The following CFAP20DC variants were observed in gnomAD, a reference collection of about 807,000 sequenced individuals.
CFAP20DC encodes CFAP20 domain containing.
A neutral mutation model predicts 101.7 loss-of-function variants in CFAP20DC; 84 were observed. The observed-to-expected ratio is 0.83, with a 90% CI of 0.69 to 0.99. The LOEUF is 0.99. Ranked by LOEUF, CFAP20DC falls within the 50% of genes least tolerant of loss-of-function variation. The pLI is 0.00. For missense variants in CFAP20DC, 1,007 were observed against 970.3 expected, an observed-to-expected ratio of 1.04 and a Z score of -0.50; for synonymous variants, 359 against 351.2, an observed-to-expected ratio of 1.02 and a Z score of -0.25.
At chr3:58,832,355 A>G (rs1398893386) in intron 13 of CFAP20DC, among the ~76,000 whole-genome samples, 1 of 152,184 alleles carries the variant, frequency 6.6e-6, no homozygotes, top group Non-Finnish European at 1.5e-5. Context: ...GGAGCTCTAC[A>G]ACGGCAAGCA....
chr3:58,767,825 A>G (rs1412122946), intron 15 of CFAP20DC, among the ~76,000 whole-genome samples: 1 of 152,188 alleles, frequency 6.6e-6, no homozygotes, highest in African/African-American at 2.4e-5. Context: ...CCCTTCCACA[A>G]CATTCCCACC....
intron 15 of CFAP20DC, among the ~76,000 whole-genome samples, chr3:58,764,330 C>T (rs547126569): frequency 5.9e-5 from 9 of 152,278 alleles, no homozygotes; most frequent in East Asian, 5.8e-4. Context: ...TAGGATCCTC[C>T]GAGCCAGGCG....
rs568917950 is a variant in CFAP20DC at position 58,834,014 on chromosome 3, T to C, written c.1972-2125A>G. ...TAGGCAAATTCACAGAGACAGAAAA[T>C]AGATTAGCGGATGGTGGGGCTGGAG... On this transcript the variant is annotated intron_variant, in intron 13 of 16. Transcript: ENST00000482387. Among the ~76,000 whole-genome samples the C allele has an allele frequency of 1.6e-4, 25 of 152,050 alleles. 1 individual carries two copies. In the South Asian group the frequency reaches 4.2e-3, roughly 25 times the overall value.
intron 3 of CFAP20DC, among the ~76,000 whole-genome samples, chr3:58,735,945 T>G (rs1287491882): frequency 6.6e-6 from 1 of 152,200 alleles, no homozygotes; most frequent in Non-Finnish European, 1.5e-5. Flanking sequence ...TAGATTCTTA[T>G]GCTTAGCTAA....
intron 15 of CFAP20DC, among the ~76,000 whole-genome samples, chr3:58,764,373 A>C (rs892702773): frequency 6.6e-6 from 1 of 152,164 alleles, no homozygotes; most frequent in Non-Finnish European, 1.5e-5. Context: ...CCGTTTGCTA[A>C]GACTGTTGGA....
In CFAP20DC at chr3:58,913,605, A is replaced by G. The variant is rs749501421; in HGVS notation, c.550+103T>C. 2 of 1,142,974 alleles carry G rather than the reference A, an allele frequency of 1.7e-6. No individual in the cohort carries two copies. The highest frequency in any genetic ancestry group is 1.3e-6 in the Non-Finnish European group (1 of 759,646). 70.8% of individuals were successfully genotyped at this position (1,142,974 alleles called of 1,614,324 possible). A position where few individuals can be genotyped will look rare whatever the true frequency, so the allele number is the denominator to read the frequency against. ...TGTTGACAAATTTACTTTAGCAGAC[A>G]TAACATCAAACTGCTACCACACACT... On this transcript the variant is annotated intron_variant, in intron 6 of 16. Transcript: ENST00000482387. The surrounding 1 kb of genome is among the most constrained non-coding windows in gnomAD (Gnocchi z 4.4).
intron 7 of CFAP20DC, among the ~76,000 whole-genome samples, chr3:58,873,878 G>T (rs1447819459): frequency 1.3e-5 from 2 of 152,080 alleles, no homozygotes; most frequent in African/African-American, 4.8e-5. Flanking sequence ...ATGTTGTCAG[G>T]CAGGTGTTGA....
At chr3:58,903,585 G>GA (rs1252694614) in intron 6 of CFAP20DC, among the ~76,000 whole-genome samples, 1 of 152,190 alleles carries the variant, frequency 6.6e-6, no homozygotes, top group Non-Finnish European at 1.5e-5. Context: ...GGTGGAAGGG[G>GA]AAGCAAACAT....
At chr3:58,764,967 T>C (rs1307462526) in intron 15 of CFAP20DC, among the ~76,000 whole-genome samples, 1 of 152,152 alleles carries the variant, frequency 6.6e-6, no homozygotes, top group Non-Finnish European at 1.5e-5. Flanking sequence ...AGTAAAAATA[T>C]TGAACAGATG....
chr3:58,912,614 G>A lies in CFAP20DC; in HGVS notation c.550+1094C>T. On this transcript the variant is annotated intron_variant, in intron 6 of 16. Transcript: ENST00000482387. The surrounding 1 kb of genome is among the most constrained non-coding windows in gnomAD (Gnocchi z 4.4). ...TGCTTCCTGGACTTCTAGAAGAATT[G>A]ATTTAACAAATAATAATCCCAGATG... The A allele has an allele frequency of 2.4e-6, 1 of 416,636 alleles. No individual in the cohort carries two copies. Among genetic ancestry groups the A allele is most frequent in the South Asian group, 1.8e-5 (1 of 56,628 alleles). The allele number at this position is 416,636 out of a possible 1,614,324, so 25.8% of individuals were successfully genotyped here.
chr3:59,019,743 T>C (rs958676609), intron 4 of CFAP20DC, among the ~76,000 whole-genome samples: 2 of 152,104 alleles, frequency 1.3e-5, no homozygotes, highest in Admixed American at 1.3e-4. Context: ...TGGTGTATAC[T>C]TTAAGATAGC....
Position 58,861,528 on chromosome 3 carries a change from C to A in CFAP20DC, c.1593+2030G>T. 1 of 973,400 alleles carries A rather than the reference C, an allele frequency of 1.0e-6. No individual in the cohort carries two copies. Among genetic ancestry groups the A allele is most frequent in the Non-Finnish European group, 1.2e-6 (1 of 819,002 alleles). 60.3% of individuals were successfully genotyped at this position (973,400 alleles called of 1,614,324 possible). Reference sequence around the variant, plus strand: ...AGCTATCCTACAGGAAAAGAAATTACCAAAAGTACAAAAGAAAAAATCCAA... The same window carrying A: ...AGCTATCCTACAGGAAAAGAAATTAACAAAAGTACAAAAGAAAAAATCCAA... On this transcript the variant is annotated intron_variant, in intron 12 of 16. Transcript: ENST00000482387. The surrounding 1 kb of genome is among the most constrained non-coding windows in gnomAD (Gnocchi z 4.0).
intron 15 of CFAP20DC, among the ~76,000 whole-genome samples, chr3:58,785,678 C>T (rs1289416122): frequency 6.6e-6 from 1 of 152,096 alleles, no homozygotes; most frequent in Non-Finnish European, 1.5e-5. Context: ...AAGTAACTGC[C>T]TCCCTCCCAT....
intron 6 of CFAP20DC, among the ~76,000 whole-genome samples, chr3:58,885,998 A>C (rs900283514): frequency 9.9e-5 from 15 of 151,986 alleles, no homozygotes; most frequent in African/African-American, 3.6e-4. Flanking sequence ...CTATTAGTAC[A>C]TTTTTCCTAT....
intron 15 of CFAP20DC, among the ~76,000 whole-genome samples, chr3:58,758,639 T>G (rs1481246992): frequency 1.3e-5 from 2 of 152,162 alleles, no homozygotes; most frequent in Non-Finnish European, 2.9e-5. Flanking sequence ...CTGCACCCAT[T>G]AACTCGTCAT....
intron 4 of CFAP20DC, among the ~76,000 whole-genome samples, chr3:58,949,904 T>G (rs1035596755): frequency 3.9e-5 from 6 of 152,114 alleles, no homozygotes; most frequent in Admixed American, 1.3e-4. Context: ...CAACATAGTG[T>G]TGGAAGTTCT....
intron 4 of CFAP20DC, among the ~76,000 whole-genome samples, chr3:58,987,946 C>T (rs976982651): frequency 1.3e-5 from 2 of 151,704 alleles, no homozygotes; most frequent in African/African-American, 2.4e-5. Context: ...ATTAAAACAC[C>T]CCAACTTAAT....
At chr3:59,027,432 C>T (rs771198902) in intron 4 of CFAP20DC, among the ~76,000 whole-genome samples, 6 of 152,132 alleles carry the variant, frequency 3.9e-5, no homozygotes, top group Admixed American at 2.0e-4. Flanking sequence ...CCAAACAGCA[C>T]ATGATGCACA....
intron 16 of CFAP20DC, among the ~76,000 whole-genome samples, chr3:58,752,315 A>G (rs1215606593): frequency 6.6e-6 from 1 of 152,142 alleles, no homozygotes; most frequent in African/African-American, 2.4e-5. Context: ...GCTGATAAAA[A>G]TCCAGGGTGA....
Sources: gnomAD v4.1 joint callset for allele counts (sites outside exome capture counted in the v4.1 genomes callset) on GRCh38, gnomAD v4.1.1 for gene constraint, Gnocchi (gnomAD v3.1) non-coding constraint, MANE v1.5 for transcripts, NCBI Gene and HGNC (gene_info 2026-07-23, HGNC 2026-07-21) for gene names.